The following CHCHD6 variants were observed in gnomAD, a reference collection of about 807,000 sequenced individuals.
The protein encoded by CHCHD6 is MICOS complex subunit MIC25.
CHCHD6 carries 28 observed loss-of-function variants against 32.3 expected under a neutral mutation model. The ratio of observed to expected loss-of-function variants is 0.87; its 90% CI spans 0.64 to 1.19. The LOEUF is 1.19. CHCHD6 is among the 50% of genes most tolerant of loss of function. The pLI is 0.00. For synonymous variants in CHCHD6, 122 were observed against 117.5 expected, an observed-to-expected ratio of 1.04 and a Z score of -0.25; for missense variants, 333 against 307.0, an observed-to-expected ratio of 1.08 and a Z score of -0.63.
At chr3:126,909,408 C>G (rs1012982490) in intron 5 of CHCHD6, among the ~76,000 whole-genome samples, 1 of 152,202 alleles carries the variant, frequency 6.6e-6, no homozygotes, top group Non-Finnish European at 1.5e-5. Context: ...TGTCATCTTC[C>G]CTTCCCCGGC....
At chr3:126,705,568 A>G (rs1934445969) in intron 1 of CHCHD6, among the ~76,000 whole-genome samples, 1 of 152,336 alleles carries the variant, frequency 6.6e-6, no homozygotes, top group East Asian at 1.9e-4. Context: ...ATTCCAGGGC[A>G]TGTTGCTGTG....
At chr3:126,835,071 G>C (rs562423705) in intron 4 of CHCHD6, among the ~76,000 whole-genome samples, 200 of 152,256 alleles carry the variant, frequency 1.3e-3, no homozygotes, top group African/African-American at 4.6e-3. Context: ...GCCCGGGTGG[G>C]AGATCCTAGA....
At chr3:126,736,125 A>G (rs1483061884) in intron 4 of CHCHD6, among the ~76,000 whole-genome samples, 2 of 152,250 alleles carry the variant, frequency 1.3e-5, no homozygotes, top group African/African-American at 4.8e-5. Context: ...CTGTATTTTC[A>G]AAACTATATT....
intron 6 of CHCHD6, among the ~76,000 whole-genome samples, chr3:126,917,619 A>G (rs1233860086): frequency 6.6e-6 from 1 of 152,256 alleles, no homozygotes; most frequent in Non-Finnish European, 1.5e-5. Context: ...ACTGTTGTTG[A>G]TATTAGTGTG....
intron 4 of CHCHD6, among the ~76,000 whole-genome samples, chr3:126,796,971 A>T (rs1938822312): frequency 6.6e-6 from 1 of 152,206 alleles, no homozygotes; most frequent in Non-Finnish European, 1.5e-5. Context: ...AAGCTGGCCC[A>T]CCAGTGGCTT....
chr3:126,849,453 G>A (rs535508431), intron 4 of CHCHD6, among the ~76,000 whole-genome samples: 2 of 152,340 alleles, frequency 1.3e-5, no homozygotes, highest in East Asian at 3.9e-4. Flanking sequence ...TAGGGTAGAG[G>A]CATCAAAGTG....
chr3:126,925,894 A>G (rs1257108178), intron 6 of CHCHD6, among the ~76,000 whole-genome samples: 1 of 152,222 alleles, frequency 6.6e-6, no homozygotes, highest in African/African-American at 2.4e-5. Flanking sequence ...ATGGTGATCT[A>G]GAACTTAACC....
At chr3:126,834,739 ACTTAGATATAGGACAG>A (rs1440294909) in intron 4 of CHCHD6, among the ~76,000 whole-genome samples, 1 of 152,170 alleles carries the variant, frequency 6.6e-6, no homozygotes, top group Non-Finnish European at 1.5e-5. Context: ...TCTGATCTCC[ACTTAGATATAGGACAG>A]CTTCCTACTT....
chr3:126,775,565 T>TA (rs943083051), intron 4 of CHCHD6, among the ~76,000 whole-genome samples: 1 of 151,904 alleles, frequency 6.6e-6, no homozygotes, highest in African/African-American at 2.4e-5. Context: ...ATTGAAAGGG[T>TA]AAAAGGGAAC....
chr3:126,845,137 G>A (rs1941250125), intron 4 of CHCHD6, among the ~76,000 whole-genome samples: 2 of 152,258 alleles, frequency 1.3e-5, no homozygotes, highest in South Asian at 2.1e-4. Context: ...ACTAATACAA[G>A]GGCTAAGTTG....
chr3:126,942,353 C>T (rs1468562704), intron 6 of CHCHD6, among the ~76,000 whole-genome samples: 1 of 152,190 alleles, frequency 6.6e-6, no homozygotes, highest in Non-Finnish European at 1.5e-5. Context: ...ATCTAACTTC[C>T]ACCCATCAGC....
intron 4 of CHCHD6, among the ~76,000 whole-genome samples, chr3:126,783,379 C>T (rs1938044948): frequency 6.6e-6 from 1 of 152,226 alleles, no homozygotes; most frequent in Non-Finnish European, 1.5e-5. Context: ...AAAGCTTTTT[C>T]TGTAAGATCA....
chr3:126,802,312 T>C (rs527597197), intron 4 of CHCHD6, among the ~76,000 whole-genome samples: 9 of 152,130 alleles, frequency 5.9e-5, no homozygotes, highest in Non-Finnish European at 1.0e-4. Flanking sequence ...ATTGAAAATG[T>C]TGAAAAAAAT....
At chr3:126,852,889 A>G (rs1941524045) in intron 5 of CHCHD6, among the ~76,000 whole-genome samples, 159 bp downstream of exon 5, 1 of 152,216 alleles carries the variant, frequency 6.6e-6, no homozygotes, top group African/African-American at 2.4e-5. Context: ...ATTCTGCAGC[A>G]GGCACCCAAA....
In CHCHD6 at chr3:126,704,376, G is replaced by A. The variant is rs1337320973; in HGVS notation, c.64G>A (p.Val22Ile). Residue 22 changes from valine (V) to isoleucine (I), a missense_variant, in exon 1 of 8, where the codon GTC (valine) becomes ATC (isoleucine). Val to Ile is a conservative substitution (Grantham distance 29). Coordinates refer to ENST00000290913, the MANE Select transcript of CHCHD6 (RefSeq NM_032343.3). Reference sequence around the variant, plus strand: ...CTTCGGAGTGGACGAGGAGGAGCGGGTCCGGGTGCTGCAGGGTGTCCGGGT... The same window carrying A: ...CTTCGGAGTGGACGAGGAGGAGCGGATCCGGGTGCTGCAGGGTGTCCGGGT... ...VSFGVDEEERVRVLQGVRLSE... is the reference protein window; with the variant it reads ...VSFGVDEEERIRVLQGVRLSE... 2 of 1,574,346 alleles carry A rather than the reference G, an allele frequency of 1.3e-6. No individual in the cohort carries two copies. The highest frequency in any genetic ancestry group is 3.7e-5 in the Admixed American group (2 of 54,060).
chr3:126,750,988 T>C (rs1936698439), intron 4 of CHCHD6, among the ~76,000 whole-genome samples: 2 of 152,134 alleles, frequency 1.3e-5, no homozygotes, highest in Non-Finnish European at 2.9e-5. Flanking sequence ...TCTTGACCTC[T>C]TGAGGATCTG....
chr3:126,766,855 A>G, intron 4 of CHCHD6: 1 of 959,864 alleles, frequency 1.0e-6, no homozygotes, highest in South Asian at 1.3e-5. Flanking sequence ...ATGTCCAGGG[A>G]AGTCAAACAG....
chr3:126,956,164 G>C (rs928509609), intron 6 of CHCHD6, among the ~76,000 whole-genome samples: 15 of 152,236 alleles, frequency 9.9e-5, no homozygotes, highest in Admixed American at 6.5e-4. Context: ...CACGTACCTG[G>C]AGTGGAGCTG....
chr3:126,873,733 A>G (rs547898784), intron 5 of CHCHD6, among the ~76,000 whole-genome samples: 22 of 152,300 alleles, frequency 1.4e-4, no homozygotes, highest in Non-Finnish European at 2.4e-4. Flanking sequence ...GGGACCAGCC[A>G]TGGCTCCCTT....
Sources: allele counts gnomAD v4.1 joint callset (sites outside exome capture counted in the v4.1 genomes callset), GRCh38; gene constraint gnomAD v4.1.1; transcripts MANE v1.5; gene names NCBI Gene and HGNC (gene_info 2026-07-23, HGNC 2026-07-21).